Variants in CALCR observed in about 807,000 individuals in gnomAD.
CALCR encodes the protein calcitonin receptor.
CALCR carries 47 observed loss-of-function variants against 59.5 expected under a neutral mutation model. The observed-to-expected ratio is 0.79, with a 90% CI of 0.63 to 1.01. CALCR has a LOEUF of 1.01. Ranked by LOEUF, CALCR falls within the 50% of genes least tolerant of loss-of-function variation. The probability of loss-of-function intolerance (pLI) is 0.00; values close to 1 mark genes in which losing one functional copy is unlikely to be tolerated. For synonymous variants in CALCR, 213 were observed against 211.3 expected (o/e 1.01, Z -0.07); for missense variants, 566 against 597.1 (o/e 0.95, Z 0.54).
chr7:93,565,012 G>C (rs1056797425), intron 2 of CALCR, among the ~76,000 whole-genome samples: 5 of 152,094 alleles, frequency 3.3e-5, no homozygotes, highest in Non-Finnish European at 7.4e-5. Flanking sequence ...TGAGAGACAA[G>C]TTCTGCCTCT....
intron 2 of CALCR, among the ~76,000 whole-genome samples, chr7:93,500,846 G>C (rs937625069): frequency 6.6e-6 from 1 of 151,912 alleles, no homozygotes; most frequent in Admixed American, 6.6e-5. Context: ...AGACAAGCTT[G>C]CTCCTGCATT....
intron 8 of CALCR, among the ~76,000 whole-genome samples, chr7:93,459,293 A>T (rs1443754489): frequency 6.6e-6 from 1 of 152,166 alleles, no homozygotes; most frequent in Non-Finnish European, 1.5e-5. Flanking sequence ...AAAGAACAAA[A>T]ACTGAGAGTA....
At chr7:93,479,637 T>C (rs1303931443) in intron 3 of CALCR, 130 bp from the exon 4 acceptor site, 1 of 770,122 alleles carries the variant, frequency 1.3e-6, no homozygotes, top group Non-Finnish European at 2.1e-6. Flanking sequence ...GGTCTCTATG[T>C]ACAGTTTTTT....
At chr7:93,510,367 G>A (rs985811263) in intron 2 of CALCR, among the ~76,000 whole-genome samples, 9 of 152,170 alleles carry the variant, frequency 5.9e-5, no homozygotes, top group Non-Finnish European at 1.0e-4. Context: ...CTGGAGGTCA[G>A]AAAGTCTCCA....
chr7:93,559,565 C>A (rs117474065), intron 2 of CALCR: 1 of 152,090 alleles, frequency 6.6e-6, no homozygotes, highest in East Asian at 1.9e-4. Flanking sequence ...TGTCTCTCCT[C>A]ACTTTTAGCA....
chr7:93,489,166 TG>T (rs1801017857), intron 2 of CALCR, among the ~76,000 whole-genome samples: 1 of 151,872 alleles, frequency 6.6e-6, no homozygotes, highest in African/African-American at 2.4e-5. Flanking sequence ...AAGTGACTCC[TG>T]GGTAAATAAT....
chr7:93,536,318 T>G (rs1788983897), intron 2 of CALCR, among the ~76,000 whole-genome samples: 1 of 151,846 alleles, frequency 6.6e-6, no homozygotes, highest in Non-Finnish European at 1.5e-5. Flanking sequence ...GTGTTTGTGC[T>G]CTAATGATCC....
chr7:93,482,959 A>G, intron 3 of CALCR: 1 of 488,010 alleles, frequency 2.0e-6, no homozygotes, highest in Non-Finnish European at 4.1e-6. Context: ...CAGTAGATGA[A>G]TGTCTCAGTG....
At chr7:93,559,577 T>C (rs1789692805) in intron 2 of CALCR, 3 of 152,018 alleles carry the variant, frequency 2.0e-5, no homozygotes, top group Admixed American at 6.6e-5. Context: ...CTTTTAGCAG[T>C]GGTGGTCAGT....
chr7:93,536,244 GA>G (rs1788980412), intron 2 of CALCR, among the ~76,000 whole-genome samples: 1 of 151,674 alleles, frequency 6.6e-6, no homozygotes, highest in African/African-American at 2.4e-5. Flanking sequence ...CTTGCCCCTA[GA>G]CAGACACACA....
intron 2 of CALCR, among the ~76,000 whole-genome samples, chr7:93,497,082 C>G (rs1801221629): frequency 6.6e-6 from 1 of 151,538 alleles, no homozygotes; most frequent in Non-Finnish European, 1.5e-5. Context: ...ATCCAGGCTC[C>G]AAGTCTAGCT....
intron 5 of CALCR, among the ~76,000 whole-genome samples, chr7:93,474,456 C>T (rs1562988124): frequency 6.6e-6 from 1 of 151,670 alleles, no homozygotes; most frequent in Non-Finnish European, 1.5e-5. Context: ...TCAAGGTTAT[C>T]TACATTCCAT....
intron 8 of CALCR, among the ~76,000 whole-genome samples, chr7:93,455,303 A>T (rs1046800277): frequency 2.0e-5 from 3 of 151,998 alleles, no homozygotes; most frequent in Admixed American, 6.6e-5. Flanking sequence ...TTTATTTATA[A>T]CTGTGGTTGT....
At chr7:93,535,524 A>G (rs1397030693) in intron 2 of CALCR, among the ~76,000 whole-genome samples, 3 of 151,790 alleles carry the variant, frequency 2.0e-5, no homozygotes, top group Non-Finnish European at 4.4e-5. Context: ...GAAAATGGAC[A>G]CACAGATAAT....
chr7:93,468,684 A>G, intron 7 of CALCR, 31 bp downstream of exon 7: 1 of 1,436,038 alleles, frequency 7.0e-7, no homozygotes, highest in Non-Finnish European at 9.8e-7. Flanking sequence ...TAAAGGAGGA[A>G]ATAAAGAGCA....
At chr7:93,479,658 T>G in intron 3 of CALCR, 151 bp from the exon 4 acceptor site, 1 of 666,452 alleles carries the variant, frequency 1.5e-6, no homozygotes, top group East Asian at 2.8e-5. Flanking sequence ...TCATATATAT[T>G]ACAAAAAATG....
intron 13 of CALCR, among the ~76,000 whole-genome samples, chr7:93,431,144 G>T (rs986736361): frequency 1.3e-5 from 2 of 152,176 alleles, no homozygotes; most frequent in Admixed American, 1.3e-4. Context: ...GAGAGGAAGA[G>T]GAGAGAAAGA....
chr7:93,548,547 T>C (rs1789357278), intron 2 of CALCR, among the ~76,000 whole-genome samples: 1 of 152,026 alleles, frequency 6.6e-6, no homozygotes, highest in African/African-American at 2.4e-5. Context: ...ATAAACATGT[T>C]TTTTCAGCAA....
Position 93,548,947 on chromosome 7 carries a change from AT to A in CALCR, c.-27+25341del, listed in dbSNP as rs906883014. Among the ~76,000 whole-genome samples the A allele has an allele frequency of 1.9e-4, 28 of 149,964 alleles. 1 individual carries two copies. Among genetic ancestry groups the A allele is most frequent in the Admixed American group, 6.0e-4 (9 of 15,000 alleles). ...TTATTAAGATTTACATTTTTATACCATTTTTTCCCCCTGAGAATTGTAATGC... is the reference window on the plus strand; with the variant it reads ...TTATTAAGATTTACATTTTTATACCATTTTTCCCCCTGAGAATTGTAATGC... On this transcript the variant is annotated intron_variant, in intron 2 of 13. Transcript: ENST00000426151.
Sources: gnomAD v4.1 joint callset for allele counts (sites outside exome capture counted in the v4.1 genomes callset) on GRCh38, gnomAD v4.1.1 for gene constraint, MANE v1.5 for transcripts, NCBI Gene and HGNC (gene_info 2026-07-23, HGNC 2026-07-21) for gene names.